The following NDUFB6 variants were observed in gnomAD, a reference collection of about 807,000 sequenced individuals.
NDUFB6 encodes NADH dehydrogenase [ubiquinone] 1 beta subcomplex subunit 6.
NDUFB6 carries 23 observed loss-of-function variants against 17.5 expected under a neutral mutation model. The observed-to-expected ratio is 1.31, with a 90% confidence interval of 0.94 to 1.86. The LOEUF (loss-of-function observed/expected upper bound fraction) is 1.86. Among genes scored for constraint, NDUFB6 ranks in the 40% most tolerant of loss-of-function variants. The probability of loss-of-function intolerance (pLI) is 0.00; values close to 1 mark genes in which losing one functional copy is unlikely to be tolerated. For synonymous variants in NDUFB6, 60 were observed against 53.5 expected, an observed-to-expected ratio of 1.12 and a Z score of -0.53; for missense variants, 167 against 153.8, an observed-to-expected ratio of 1.09 and a Z score of -0.46.
chr9:32,566,642 G>A, intron 2 of NDUFB6: 1 of 796,246 alleles, frequency 1.3e-6, no homozygotes, highest in Non-Finnish European at 2.3e-6. Flanking sequence ...TGGAGGAGCA[G>A]GAGCTCACCT....
At chr9:32,564,905 T>C (rs1452223757) in intron 2 of NDUFB6, among the ~76,000 whole-genome samples, 1 of 152,224 alleles carries the variant, frequency 6.6e-6, no homozygotes, top group African/African-American at 2.4e-5. Context: ...CTCACCATTT[T>C]TGGCCTAGAA....
chr9:32,570,338 C>A (rs1821911144), intron 2 of NDUFB6, among the ~76,000 whole-genome samples: 1 of 152,178 alleles, frequency 6.6e-6, no homozygotes, highest in Non-Finnish European at 1.5e-5. Flanking sequence ...TCCAACACTT[C>A]AGGCTACGCA....
At chr9:32,571,105 T>C in intron 1 of NDUFB6, 53 bp from the exon 2 acceptor site, 1 of 1,272,364 alleles carries the variant, frequency 7.9e-7, no homozygotes, top group Non-Finnish European at 1.1e-6. Flanking sequence ...TTTATATTTA[T>C]GGCAGAACAA....
rs150265064 is a variant in NDUFB6 at position 32,557,249 on chromosome 9, C to G, written c.318+1661G>C. Among the ~76,000 whole-genome samples, 30 of 149,930 alleles carry G rather than the reference C, an allele frequency of 2.0e-4. No individual in the cohort carries two copies. In the East Asian group the frequency reaches 5.7e-3, roughly 28 times the overall value. On this transcript the variant is annotated intron_variant, in intron 3 of 3. Coordinates refer to ENST00000379847, the MANE Select transcript of NDUFB6 (RefSeq NM_002493.5). Reference sequence around the variant, plus strand: ...GCGCAAACTCCGCACACTGCAACTTCTGCCTTCCAGGTTCAAGCAATTCTT... The same window carrying G: ...GCGCAAACTCCGCACACTGCAACTTGTGCCTTCCAGGTTCAAGCAATTCTT...
intron 2 of NDUFB6, chr9:32,568,426 A>G: frequency 3.9e-6 from 1 of 254,386 alleles, no homozygotes; most frequent in Non-Finnish European, 8.4e-6. Context: ...CTCCTGGTGA[A>G]GATGCTATGA....
chr9:32,558,714 A>G (rs990797987), intron 3 of NDUFB6, among the ~76,000 whole-genome samples, 196 bp downstream of exon 3: 3 of 152,084 alleles, frequency 2.0e-5, no homozygotes, highest in African/African-American at 7.2e-5. Context: ...TCCCATTTGA[A>G]CTGTAATTGT....
intron 2 of NDUFB6, among the ~76,000 whole-genome samples, chr9:32,561,227 GAACT>G (rs1821615622): frequency 6.6e-6 from 1 of 151,916 alleles, no homozygotes; most frequent in African/African-American, 2.4e-5. Context: ...ATTCCTCTTA[GAACT>G]AACAATCTCA....
intron 2 of NDUFB6, 21 bp from the exon 3 acceptor site, chr9:32,558,975 G>C (rs991433013): frequency 1.3e-6 from 2 of 1,542,334 alleles, no homozygotes; most frequent in African/African-American, 1.4e-5. Context: ...AGTTAACTCT[G>C]TGTTAATTAT....
chr9:32,555,313 A>G (rs1333459648), intron 3 of NDUFB6, among the ~76,000 whole-genome samples: 1 of 152,358 alleles, frequency 6.6e-6, no homozygotes, highest in African/African-American at 2.4e-5. Flanking sequence ...TTCCTAAACA[A>G]TAAGTTAACA....
rs781356785 is a variant in NDUFB6, at chr9:32,553,946, T to C, written c.319-2A>G. ...TCCAGTCTCCAGAATTGTATCACCC[T>C]AGGAAAACAAAGATACAGTTAGTAC... On this transcript the variant is annotated splice_acceptor_variant, in intron 3 of 3. Coordinates refer to ENST00000379847, the MANE Select transcript of NDUFB6 (RefSeq NM_002493.5). LOFTEE classifies it high-confidence loss of function. 2 of 1,578,690 alleles carry C rather than the reference T, an allele frequency of 1.3e-6. No homozygotes were observed. Among genetic ancestry groups the C allele is most frequent in the Non-Finnish European group, 1.7e-6 (2 of 1,150,776 alleles).
At chr9:32,564,419 A>ATG (rs1436851966) in intron 2 of NDUFB6, among the ~76,000 whole-genome samples, 1 of 152,172 alleles carries the variant, frequency 6.6e-6, no homozygotes, top group Non-Finnish European at 1.5e-5. Context: ...CCCCGAGACA[A>ATG]GCAACTCTAT....
At chr9:32,558,658 T>C (rs1563992627) in intron 3 of NDUFB6, among the ~76,000 whole-genome samples, 1 of 152,166 alleles carries the variant, frequency 6.6e-6, no homozygotes, top group Non-Finnish European at 1.5e-5. Flanking sequence ...AAAATCAAGG[T>C]CACAAAACAC....
intron 2 of NDUFB6, chr9:32,566,365 G>A (rs770588183): frequency 2.0e-5 from 23 of 1,175,624 alleles, no homozygotes; most frequent in Admixed American, 3.4e-5. Context: ...ATGATGGTGC[G>A]TTTTTGTTTC....
chr9:32,561,983 C>T (rs983446616), intron 2 of NDUFB6, among the ~76,000 whole-genome samples: 1 of 152,156 alleles, frequency 6.6e-6, no homozygotes, highest in African/African-American at 2.4e-5. Flanking sequence ...GTCACTCTCC[C>T]ATTAAAAAAT....
rs576696459 is a variant in NDUFB6, at chr9:32,569,040, C to T, written c.273+1920G>A. Among the ~76,000 whole-genome samples, 102 of 151,294 alleles carry T rather than the reference C, an allele frequency of 6.7e-4. 2 individuals carry two copies. In the South Asian group the frequency reaches 0.021, roughly 30 times the overall value. On this transcript the variant is annotated intron_variant, in intron 2 of 3. Coordinates refer to ENST00000379847, the MANE Select transcript of NDUFB6 (RefSeq NM_002493.5). Reference sequence around the variant, plus strand: ...GTAGGATTACAGGCGTGGGACACCGCGCCCCGCCTGCTATCTTATATTAAG... The same window carrying T: ...GTAGGATTACAGGCGTGGGACACCGTGCCCCGCCTGCTATCTTATATTAAG...
chr9:32,558,467 TTAAGGTCAAA>T (rs1260030223), intron 3 of NDUFB6, among the ~76,000 whole-genome samples: 6 of 152,192 alleles, frequency 3.9e-5, no homozygotes, highest in Admixed American at 3.9e-4. Flanking sequence ...GATGGAGAAC[TTAAGGTCAAA>T]TCTTGAAAAT....
chr9:32,569,853 G>A (rs567317479), intron 2 of NDUFB6, among the ~76,000 whole-genome samples: 6 of 94,558 alleles, frequency 6.3e-5, no homozygotes, highest in Non-Finnish European at 9.4e-5. Flanking sequence ...CATATACATC[G>A]TTCTTTTACA....
At chr9:32,571,868 C>T (rs1821947813) in intron 1 of NDUFB6, among the ~76,000 whole-genome samples, 1 of 152,128 alleles carries the variant, frequency 6.6e-6, no homozygotes, top group African/African-American at 2.4e-5. Flanking sequence ...ATTTTACCAC[C>T]ATAAATAAGT....
chr9:32,573,022 C>T lies in NDUFB6; in HGVS notation c.39G>A (p.Gln13=), dbSNP rs1191298447. The T allele has an allele frequency of 6.2e-7, 1 of 1,601,482 alleles. No homozygotes were observed. The highest frequency in any genetic ancestry group is 8.5e-7 in the Non-Finnish European group (1 of 1,173,494). The change falls in exon 1 of 4, where the codon CAG becomes CAA. Residue 13 remains glutamine, a synonymous_variant. Coordinates refer to ENST00000379847, the MANE Select transcript of NDUFB6 (RefSeq NM_002493.5). ...ATCGCCTTCTCAGCTCTCGCAGCTG[C>T]TGCAGCCGCAGTTTCTCATCCGGAG... The part of the protein sequence containing the change: ...GYTPDEKLRL[Q]QLRELRRRWL...
Sources: allele counts gnomAD v4.1 joint callset (sites outside exome capture counted in the v4.1 genomes callset), GRCh38; gene constraint gnomAD v4.1.1; transcripts MANE v1.5; gene names NCBI Gene and HGNC (gene_info 2026-07-23, HGNC 2026-07-21).